PCDHGA5: variants seen among roughly 807,000 people sequenced by gnomAD.
The protein encoded by PCDHGA5 is protocadherin gamma subfamily A, 5.
A neutral mutation model predicts 56.7 loss-of-function variants in PCDHGA5; 36 were observed. The observed-to-expected ratio is 0.64, with a 90% CI of 0.49 to 0.84. PCDHGA5 has a LOEUF of 0.84. Ranked by LOEUF, PCDHGA5 falls within the 40% of genes least tolerant of loss-of-function variation. The probability of loss-of-function intolerance (pLI) is 0.00; values close to 1 mark genes in which losing one functional copy is unlikely to be tolerated. For missense variants in PCDHGA5, 1,305 were observed against 1,201.5 expected, an observed-to-expected ratio of 1.09 and a Z score of -1.27; for synonymous variants, 563 against 520.2, an observed-to-expected ratio of 1.08 and a Z score of -1.12.
chr5:141,486,421 G>A lies in PCDHGA5; in HGVS notation c.2422-8386G>A, dbSNP rs772631503. ...TGACTGCTGGACCCTTGGATCGAGA[G>A]GCCAAATCTAGCTATGACATCATGG... On this transcript the variant is annotated intron_variant, in intron 1 of 3. Coordinates refer to ENST00000518069, the MANE Select transcript of PCDHGA5 (RefSeq NM_018918.3). This position sits in a 1 kb window ranked among gnomAD's most constrained non-coding sequence, Gnocchi z 5.0. 2.5e-6 allele frequency: 4 copies of A among 1,614,152 alleles called. No homozygotes were observed. In the East Asian group the frequency reaches 6.7e-5, roughly 27 times the overall value.
Position 141,393,390 on chromosome 5 carries a change from G to C in PCDHGA5, c.2421+26639G>C, listed in dbSNP as rs761230046. On this transcript the variant is annotated intron_variant, in intron 1 of 3. Coordinates refer to ENST00000518069, the MANE Select transcript of PCDHGA5 (RefSeq NM_018918.3). ...TGGAGACAATGGAGCCATAAACCCA[G>C]AGCTGGTGCTGGAGCGCGCCCTGGA... 24 of 1,613,882 alleles carry C rather than the reference G, an allele frequency of 1.5e-5. No homozygotes were observed. The South Asian group carries it at 2.5e-4, about 17-fold the overall frequency.
chr5:141,389,112 C>T (rs376966829), intron 1 of PCDHGA5: 22 of 1,613,964 alleles, frequency 1.4e-5, no homozygotes, highest in Non-Finnish European at 1.9e-5. Context: ...TGTTCTAGAC[C>T]GCGAGCAGAA....
At position 141,366,048 on chromosome 5, in the gene PCDHGA5, C is replaced by T. The variant is rs777611384; in HGVS notation, c.1718C>T (p.Thr573Met). The T allele has an allele frequency of 5.6e-6, 9 of 1,614,262 alleles. No individual in the cohort carries two copies. The highest frequency in any genetic ancestry group is 5.5e-5 in the South Asian group (5 of 91,092). ...LYPALPTDGS[T>M]GVELAPRSAE... ...CCCGCCCTCCCCACAGACGGTTCCA[C>T]GGGCGTGGAGCTGGCGCCTCGCTCC... Residue 573 changes from threonine (T) to methionine (M), a missense_variant, in exon 1 of 4, where the codon ACG becomes ATG. Thr to Met is a moderately conservative substitution (Grantham distance 81). Transcript: ENST00000518069.
At chr5:141,375,102 T>C (rs1185155280) in intron 1 of PCDHGA5, 3 of 1,613,868 alleles carry the variant, frequency 1.9e-6, no homozygotes, top group Non-Finnish European at 2.5e-6. Flanking sequence ...ATCTTGGATG[T>C]CAATGATAAT....
intron 1 of PCDHGA5, chr5:141,478,644 T>C (rs1217932733): frequency 6.4e-7 from 1 of 1,552,238 alleles, no homozygotes. Flanking sequence ...GATGAAGATG[T>C]TTTCCTGGTG....
At chr5:141,467,059 T>C (rs1157689140) in intron 1 of PCDHGA5, among the ~76,000 whole-genome samples, 2 of 151,064 alleles carry the variant, frequency 1.3e-5, no homozygotes, top group African/African-American at 2.4e-5. Context: ...TGTTTTCTTT[T>C]TTTTTTTTTT....
intron 1 of PCDHGA5, chr5:141,374,359 C>T (rs1179448303): frequency 6.2e-7 from 1 of 1,614,000 alleles, no homozygotes; most frequent in Admixed American, 1.7e-5. Context: ...GGATAGACCG[C>T]GAGGAGCTCT....
At chr5:141,474,722 C>G (rs1562046141) in intron 1 of PCDHGA5, among the ~76,000 whole-genome samples, 1 of 152,216 alleles carries the variant, frequency 6.6e-6, no homozygotes, top group Non-Finnish European at 1.5e-5. Flanking sequence ...TTCAAAAGGA[C>G]TCTATGCAAT....
In PCDHGA5 at chr5:141,395,537, A is replaced by ATTGTTTGT. The variant is rs1179408656; in HGVS notation, c.2421+28787_2421+28794dup. On this transcript the variant is annotated intron_variant, in intron 1 of 3. Coordinates refer to ENST00000518069, the MANE Select transcript of PCDHGA5 (RefSeq NM_018918.3). Reference sequence around the variant, plus strand: ...ACCCGTCCATACTGGTAATTTTGCTATTGTTTGTGTGTGTGTGTGTGTGTG... The same window carrying ATTGTTTGT: ...ACCCGTCCATACTGGTAATTTTGCTATTGTTTGTTTGTTTGTGTGTGTGTGTGTGTGTG... 12 of 243,932 alleles carry ATTGTTTGT rather than the reference A, an allele frequency of 4.9e-5. No individual in the cohort carries two copies. In the African/African-American group the frequency reaches 6.6e-4, roughly 13 times the overall value. 15.1% of individuals were successfully genotyped at this position (243,932 alleles called of 1,614,324 possible).
In PCDHGA5 at chr5:141,491,561, A is replaced by G. The variant is rs1289732955; in HGVS notation, c.2422-3246A>G. ...CCCACAGACTCGCAGAGCCACTGCT[A>G]CAGGACGTGCTTTTCACCGGCCTCG... On this transcript the variant is annotated intron_variant, in intron 1 of 3. Transcript: ENST00000518069. The surrounding 1 kb of genome is among the most constrained non-coding windows in gnomAD (Gnocchi z 6.9). The G allele has an allele frequency of 6.2e-7, 1 of 1,613,938 alleles. No homozygotes were observed. Among genetic ancestry groups the G allele is most frequent in the Non-Finnish European group, 8.5e-7 (1 of 1,180,018 alleles).
chr5:141,482,505 C>T (rs1183998287), intron 1 of PCDHGA5, among the ~76,000 whole-genome samples: 1 of 122,986 alleles, frequency 8.1e-6, no homozygotes, highest in African/African-American at 3.4e-5. Context: ...TTCTGGTACC[C>T]AGAGTACAGT....
chr5:141,376,212 T>C lies in PCDHGA5; in HGVS notation c.2421+9461T>C, dbSNP rs200049429. ...TGCGTCTTCCTGGCCTTCGTCATCGTGCTGCTGGCGCTCAGACTGCAGCGC... is the reference window on the plus strand; with the variant it reads ...TGCGTCTTCCTGGCCTTCGTCATCGCGCTGCTGGCGCTCAGACTGCAGCGC... On this transcript the variant is annotated intron_variant, in intron 1 of 3. Transcript: ENST00000518069. The C allele has an allele frequency of 1.9e-5, 31 of 1,614,098 alleles. No homozygotes were observed. Among genetic ancestry groups the C allele is most frequent in the Non-Finnish European group, 1.7e-6 (2 of 1,180,044 alleles).
chr5:141,423,610 G>GT, intron 1 of PCDHGA5: 1 of 1,611,424 alleles, frequency 6.2e-7, no homozygotes, highest in African/African-American at 1.3e-5. Context: ...ACTCTTGATA[G>GT]CTGAAGACTC....
At chr5:141,480,652 A>C (rs1488188393) in intron 1 of PCDHGA5, among the ~76,000 whole-genome samples, 4 of 152,220 alleles carry the variant, frequency 2.6e-5, no homozygotes, top group Non-Finnish European at 5.9e-5. Context: ...TTGGTTGCAC[A>C]TTAAAATCAC....
rs754518751 is a variant in PCDHGA5 at position 141,365,145 on chromosome 5, G to C, written c.815G>C (p.Gly272Ala). The C allele has an allele frequency of 6.2e-7, 1 of 1,613,864 alleles. No individual in the cohort carries two copies. Among genetic ancestry groups the C allele is most frequent in the Admixed American group, 1.7e-5 (1 of 60,018 alleles). Residue 272 changes from glycine (G) to alanine (A), a missense_variant, in exon 1 of 4, where the codon GGA (glycine) becomes GCA (alanine). Coordinates refer to ENST00000518069, the MANE Select transcript of PCDHGA5 (RefSeq NM_018918.3). Reference protein sequence around the residue: ...LMLTATDPDEGINGKLTYSFR... With the variant: ...LMLTATDPDEAINGKLTYSFR... ...CTAACCGCCACGGATCCAGATGAGG[G>C]AATAAACGGGAAATTGACCTACTCT...
At chr5:141,435,875 T>C (rs1324511823) in intron 1 of PCDHGA5, among the ~76,000 whole-genome samples, 1 of 152,100 alleles carries the variant, frequency 6.6e-6, no homozygotes, top group African/African-American at 2.4e-5. Flanking sequence ...AGAAAAGAGA[T>C]TGGAAACCCC....
Position 141,507,461 on chromosome 5 carries a change from G to A in PCDHGA5, c.2569+1980G>A, listed in dbSNP as rs145114393. On this transcript the variant is annotated intron_variant, in intron 3 of 3. Coordinates refer to ENST00000518069, the MANE Select transcript of PCDHGA5 (RefSeq NM_018918.3). ...AGCTGACGGAAGGACAGAGAGAGAG[G>A]TGGCAGGGACTGCTGGCCTCCTGAG... Among the ~76,000 whole-genome samples the A allele has an allele frequency of 3.8e-3, 581 of 152,330 alleles. 5 individuals are homozygous for A. Among genetic ancestry groups the A allele is most frequent in the African/African-American group, 0.012 (485 of 41,570 alleles).
intron 1 of PCDHGA5, chr5:141,408,692 ATAAAC>A: frequency 1.2e-6 from 2 of 1,613,906 alleles, no homozygotes; most frequent in Non-Finnish European, 1.7e-6. Flanking sequence ...TGATATAAAC[ATAAAC>A]TCAATTAAAG....
intron 2 of PCDHGA5, among the ~76,000 whole-genome samples, chr5:141,495,296 T>TCCTCCAGAG (rs998633800): frequency 1.3e-5 from 2 of 152,054 alleles, no homozygotes; most frequent in Non-Finnish European, 2.9e-5. Flanking sequence ...ACTCAGCGCC[T>TCCTCCAGAG]CCTCCAGAGC....
Sources: allele counts gnomAD v4.1 joint callset (sites outside exome capture counted in the v4.1 genomes callset), GRCh38; gene constraint gnomAD v4.1.1; non-coding constraint Gnocchi (gnomAD v3.1); transcripts MANE v1.5; gene names NCBI Gene and HGNC (gene_info 2026-07-23, HGNC 2026-07-21).